Variants in KCNQ1 observed in about 807,000 individuals in gnomAD.
KCNQ1 encodes potassium voltage-gated channel subfamily Q member 1, also known as potassium voltage-gated channel subfamily KQT member 1.
KCNQ1 carries 49 observed loss-of-function variants against 72.4 expected under a neutral mutation model. That is an observed-to-expected ratio of 0.68 (90% CI 0.54 to 0.86). The LOEUF (loss-of-function observed/expected upper bound fraction) is 0.86, where lower values mean the gene tolerates loss of function less well. Ranked by LOEUF, KCNQ1 falls within the 40% of genes least tolerant of loss-of-function variation. The pLI is 0.00. For synonymous variants in KCNQ1, 450 were observed against 412.6 expected, an observed-to-expected ratio of 1.09 and a Z score of -1.10; for missense variants, 790 against 945.1, an observed-to-expected ratio of 0.84 and a Z score of 2.15.
At chr11:2,607,733 A>T (rs1848904819) in intron 10 of KCNQ1, among the ~76,000 whole-genome samples, 2 of 152,210 alleles carry the variant, frequency 1.3e-5, no homozygotes, top group African/African-American at 4.8e-5. Flanking sequence ...TTTGTCTTTT[A>T]TTCTGTTGAT....
At chr11:2,719,872 CATT>C (rs1451365692) in intron 11 of KCNQ1, among the ~76,000 whole-genome samples, 1 of 152,228 alleles carries the variant, frequency 6.6e-6, no homozygotes, top group African/African-American at 2.4e-5. Context: ...AATAGTCCAT[CATT>C]TTCAGTGACA....
rs913864423 is a variant in KCNQ1, at chr11:2,745,847, C to G, written c.1515-22997C>G. Among the ~76,000 whole-genome samples the G allele has an allele frequency of 6.6e-6, 1 of 152,232 alleles. No individual in the cohort carries two copies. Among genetic ancestry groups the G allele is most frequent in the African/African-American group, 2.4e-5 (1 of 41,460 alleles). ...AGGCGGCAGCAGCAAGGCAGCTCAT[C>G]CTCGGCTGCCTCTTCTCCCTCACTA... On this transcript the variant is annotated intron_variant, in intron 11 of 15. Transcript: ENST00000155840. The surrounding 1 kb of genome is among the most constrained non-coding windows in gnomAD (Gnocchi z 6.2).
intron 10 of KCNQ1, chr11:2,641,054 C>T (rs1849568860): frequency 5.0e-6 from 2 of 398,320 alleles, no homozygotes; most frequent in Admixed American, 4.4e-5. Context: ...TTTTCTTTTT[C>T]CATTTATCCA....
Position 2,520,148 on chromosome 11 carries a change from C to T in KCNQ1, c.387-7780C>T, listed in dbSNP as rs180887333. 1.8e-3 allele frequency among the ~76,000 whole-genome samples: 268 copies of T among 152,312 alleles called. 3 individuals are homozygous for T. The highest frequency in any genetic ancestry group is 4.3e-3 in the South Asian group (21 of 4,828). On this transcript the variant is annotated intron_variant, in intron 1 of 15. Transcript: ENST00000155840. ...CCCCTGGAGTCGGCCAGTCTGGGCA[C>T]GTCCCATGCTGTGTCTGAGCCTCAG...
At chr11:2,539,016 C>T (rs1382991476) in intron 2 of KCNQ1, among the ~76,000 whole-genome samples, 3 of 152,322 alleles carry the variant, frequency 2.0e-5, no homozygotes, top group South Asian at 2.1e-4. Context: ...GTGAGCCCCA[C>T]CTGGGTTTGA....
At chr11:2,736,400 A>G (rs1311131838) in intron 11 of KCNQ1, among the ~76,000 whole-genome samples, 1 of 152,004 alleles carries the variant, frequency 6.6e-6, no homozygotes, top group Non-Finnish European at 1.5e-5. Context: ...GGGAGTCTGG[A>G]TTTTTTGGAG....
chr11:2,829,259 C>T (rs373922905), intron 15 of KCNQ1, among the ~76,000 whole-genome samples: 1 of 152,076 alleles, frequency 6.6e-6, no homozygotes, highest in African/African-American at 2.4e-5. Context: ...TACAGCTGCT[C>T]AGCATGCCTA....
At chr11:2,586,756 T>C (rs181289282) in intron 8 of KCNQ1, among the ~76,000 whole-genome samples, 2 of 152,246 alleles carry the variant, frequency 1.3e-5, no homozygotes, top group Non-Finnish European at 2.9e-5. Context: ...CCAGCTGCTG[T>C]GTCTACCTGG....
rs1052451643 is a variant in KCNQ1, at chr11:2,772,788, A to G, written c.1591-3172A>G. Among the ~76,000 whole-genome samples, 2 of 152,082 alleles carry G rather than the reference A, an allele frequency of 1.3e-5. No individual in the cohort carries two copies. The highest frequency in any genetic ancestry group is 1.9e-4 in the East Asian group (1 of 5,164). ...ATCTGCAGAGGCTGCTAACACACACACCTACACCCACCTGGTCACAGTGGC... is the reference window on the plus strand; with the variant it reads ...ATCTGCAGAGGCTGCTAACACACACGCCTACACCCACCTGGTCACAGTGGC... On this transcript the variant is annotated intron_variant, in intron 12 of 15. Transcript: ENST00000155840. The surrounding 1 kb of genome is among the most constrained non-coding windows in gnomAD (Gnocchi z 6.6).
chr11:2,542,373 T>C (rs971310277), intron 2 of KCNQ1, among the ~76,000 whole-genome samples: 14 of 152,238 alleles, frequency 9.2e-5, no homozygotes, highest in African/African-American at 3.1e-4. Context: ...AAAGGCGCGC[T>C]AATTGCGAAG....
chr11:2,445,356 C>T lies in KCNQ1; in HGVS notation c.258C>T (p.Ser86=). The T allele has an allele frequency of 6.3e-7, 1 of 1,596,812 alleles. No homozygotes were observed. Among genetic ancestry groups the T allele is most frequent in the East Asian group, 2.2e-5 (1 of 44,808 alleles). ...ACCTTGGCCCGCGGCCGCCGGTGAGCCTAGACCCGCGCGTCTCCATCTACA... is the reference window on the plus strand; with the variant it reads ...ACCTTGGCCCGCGGCCGCCGGTGAGTCTAGACCCGCGCGTCTCCATCTACA... ...ASDLGPRPPV[S]LDPRVSIYST... is the part of the protein sequence containing the mutation. The change falls in exon 1 of 16, where the codon AGC becomes AGT. Residue 86 remains serine (S), a synonymous_variant. Transcript: ENST00000155840.
intron 2 of KCNQ1, among the ~76,000 whole-genome samples, chr11:2,553,472 A>T (rs986361068): frequency 6.6e-6 from 1 of 152,026 alleles, no homozygotes; most frequent in Non-Finnish European, 1.5e-5. Flanking sequence ...AGAGTGCGTC[A>T]AGAATGGCTG....
intron 2 of KCNQ1, among the ~76,000 whole-genome samples, chr11:2,531,767 G>A (rs1484172451): frequency 3.3e-5 from 5 of 152,184 alleles, no homozygotes; most frequent in Admixed American, 6.5e-5. Flanking sequence ...GACCCTGGCC[G>A]CCTCCCTTGT....
intron 15 of KCNQ1, among the ~76,000 whole-genome samples, chr11:2,829,540 G>A (rs1847901223): frequency 6.6e-6 from 1 of 152,184 alleles, no homozygotes; most frequent in South Asian, 2.1e-4. Flanking sequence ...GTTATATACT[G>A]TTTGTGTAAA....
rs1461392847 is a variant in KCNQ1 at position 2,826,445 on chromosome 11, C to G, written c.1795-21322C>G. On this transcript the variant is annotated intron_variant, in intron 15 of 15. Transcript: ENST00000155840. The surrounding 1 kb of genome is among the most constrained non-coding windows in gnomAD (Gnocchi z 4.2). Reference sequence around the variant, plus strand: ...GGCAGCGCTGATGGAAACCGCCGTGCGGTTCCGCGCAGACAGTCACGGAAA... The same window carrying G: ...GGCAGCGCTGATGGAAACCGCCGTGGGGTTCCGCGCAGACAGTCACGGAAA... 6.6e-6 allele frequency among the ~76,000 whole-genome samples: 1 copy of G among 152,230 alleles called. No individual in the cohort carries two copies.
chr11:2,729,477 A>G (rs1181674289), intron 11 of KCNQ1, among the ~76,000 whole-genome samples: 1 of 152,258 alleles, frequency 6.6e-6, no homozygotes, highest in Non-Finnish European at 1.5e-5. Flanking sequence ...CTGATACGAA[A>G]TTCCAAAGGG....
chr11:2,445,457 G>T lies in KCNQ1; in HGVS notation c.359G>T (p.Trp120Leu). The part of the protein sequence containing the change: ...VYNFLERPTG[W>L]KCFVYHFAVF... ...AACTTCCTCGAGCGTCCCACCGGCT[G>T]GAAATGCTTCGTTTACCACTTCGCC... Residue 120 changes from tryptophan (W) to leucine (L), a missense_variant, in exon 1 of 16, where the codon TGG becomes TTG. Trp to Leu is a moderately conservative substitution (Grantham distance 61). Transcript: ENST00000155840. The T allele has an allele frequency of 6.3e-7, 1 of 1,596,934 alleles. No homozygotes were observed.
intron 1 of KCNQ1, among the ~76,000 whole-genome samples, chr11:2,476,416 C>T (rs1364540333): frequency 4.0e-5 from 6 of 151,674 alleles, no homozygotes; most frequent in African/African-American, 9.7e-5. Flanking sequence ...ATCTGTACAC[C>T]GAGGCAAATT....
chr11:2,650,230 T>A, intron 10 of KCNQ1: 1 of 398,628 alleles, frequency 2.5e-6, no homozygotes. Context: ...TGTTCTCTTG[T>A]ATCTCATTGG....
Sources: gnomAD v4.1 joint callset for allele counts (sites outside exome capture counted in the v4.1 genomes callset) on GRCh38, gnomAD v4.1.1 for gene constraint, Gnocchi (gnomAD v3.1) non-coding constraint, MANE v1.5 for transcripts, NCBI Gene and HGNC (gene_info 2026-07-23, HGNC 2026-07-21) for gene names.